Variants in TAFA4 observed in about 807,000 individuals in gnomAD.
TAFA4 encodes TAFA chemokine like family member 4.
A neutral mutation model predicts 21.1 loss-of-function variants in TAFA4; 20 were observed. The ratio of observed to expected loss-of-function variants is 0.95; its 90% CI spans 0.67 to 1.38. TAFA4 has a LOEUF of 1.38. Among genes scored for constraint, TAFA4 ranks in the 40% most tolerant of loss-of-function variants. TAFA4 has a pLI of 0.00. For missense variants in TAFA4, 211 were observed against 180.9 expected (o/e 1.17, Z -0.95); for synonymous variants, 71 against 67.4 (o/e 1.05, Z -0.26).
intron 3 of TAFA4, among the ~76,000 whole-genome samples, chr3:68,835,371 G>A (rs567700491): frequency 4.3e-4 from 65 of 152,254 alleles, no homozygotes; most frequent in African/African-American, 1.3e-3. Context: ...AAATGTTTCC[G>A]CAGAAAAAGA....
intron 1 of TAFA4, among the ~76,000 whole-genome samples, chr3:68,903,574 G>A (rs919243519): frequency 1.3e-5 from 2 of 152,164 alleles, no homozygotes; most frequent in Non-Finnish European, 2.9e-5. Context: ...ATCATAAAAT[G>A]TTTTAATGTT....
Position 68,848,910 on chromosome 3 carries a change from A to G in TAFA4, c.130+31820T>C, listed in dbSNP as rs968074441. Among the ~76,000 whole-genome samples the G allele has an allele frequency of 4.0e-4, 60 of 149,316 alleles. 1 individual carries two copies. Among genetic ancestry groups the G allele is most frequent in the African/African-American group, 1.5e-3 (60 of 39,954 alleles). On this transcript the variant is annotated intron_variant, in intron 3 of 5. Transcript: ENST00000295569. ...AGAAATAAACTTCATTCTTTGGAAT[A>G]CTTCACCAAGGAGAATGCTAACTTT...
intron 1 of TAFA4, chr3:68,913,732 T>A (rs1238882996): frequency 6.6e-6 from 1 of 150,394 alleles, no homozygotes; most frequent in Non-Finnish European, 1.5e-5. Flanking sequence ...TATCTGTTAC[T>A]AATCTGATCA....
intron 3 of TAFA4, among the ~76,000 whole-genome samples, chr3:68,844,456 T>TA (rs369995023): frequency 0.12 from 17,500 of 148,936 alleles, 1,253 homozygotes; most frequent in African/African-American, 0.21. Flanking sequence ...TGTTAATCTT[T>TA]AAAAAAAAAA....
chr3:68,820,718 A>G (rs1197853437), intron 3 of TAFA4, among the ~76,000 whole-genome samples: 1 of 152,114 alleles, frequency 6.6e-6, no homozygotes, highest in African/African-American at 2.4e-5. Flanking sequence ...TTCTCATCAC[A>G]AAAAAATGGT....
chr3:68,928,253 T>C (rs1341006103), intron 1 of TAFA4, among the ~76,000 whole-genome samples: 7 of 152,168 alleles, frequency 4.6e-5, no homozygotes, highest in Non-Finnish European at 1.5e-5. Context: ...CCAGAATGTT[T>C]CCATAACATC....
In TAFA4 at chr3:68,818,091, T is replaced by C. The variant is rs529066257; in HGVS notation, c.130+62639A>G. On this transcript the variant is annotated intron_variant, in intron 3 of 5. Transcript: ENST00000295569. ...AATCTATTGTGTAGCGTAGCCACTTTCATCAATGATCTTAGCTAGATCTTC... is the reference window on the plus strand; with the variant it reads ...AATCTATTGTGTAGCGTAGCCACTTCCATCAATGATCTTAGCTAGATCTTC... 2.0e-5 allele frequency among the ~76,000 whole-genome samples: 3 copies of C among 152,348 alleles called. No homozygotes were observed. In the East Asian group the frequency reaches 5.8e-4, roughly 29 times the overall value.
At chr3:68,817,683 T>C (rs541072268) in intron 3 of TAFA4, among the ~76,000 whole-genome samples, 1 of 152,266 alleles carries the variant, frequency 6.6e-6, no homozygotes, top group African/African-American at 2.4e-5. Context: ...ACAACATTAA[T>C]CTCCTTGTAC....
intron 3 of TAFA4, among the ~76,000 whole-genome samples, chr3:68,855,127 T>A (rs1159883323): frequency 6.6e-6 from 1 of 152,192 alleles, no homozygotes; most frequent in Non-Finnish European, 1.5e-5. Context: ...AGAACTATGC[T>A]GGCTTATACA....
chr3:68,810,007 G>A (rs565080219), intron 3 of TAFA4, among the ~76,000 whole-genome samples: 163 of 152,262 alleles, frequency 1.1e-3, no homozygotes, highest in African/African-American at 3.7e-3. Flanking sequence ...TTCTAATCAT[G>A]ATGCCTCTGG....
Position 68,895,699 on chromosome 3 carries a change from A to AT in TAFA4, c.-122-10390dup, listed in dbSNP as rs1175655078. 1.8e-3 allele frequency among the ~76,000 whole-genome samples: 275 copies of AT among 150,622 alleles called. 2 individuals carry two copies. Among genetic ancestry groups the AT allele is most frequent in the African/African-American group, 6.1e-3 (250 of 41,060 alleles). On this transcript the variant is annotated intron_variant, in intron 1 of 5. Transcript: ENST00000295569. ...CCTCTGCATGATTAATTCAACAAGG[A>AT]TTTTTTTTTTAATCAACTCTCTGTG...
intron 3 of TAFA4, among the ~76,000 whole-genome samples, chr3:68,872,056 T>A (rs768011194): frequency 2.0e-5 from 3 of 151,982 alleles, no homozygotes; most frequent in African/African-American, 4.8e-5. Context: ...TGGATATCTA[T>A]CCAGAAGAAA....
rs901699217 is a variant in TAFA4 at position 68,732,858 on chromosome 3, A to G, written c.*284T>C. The stretch of plus-strand genomic sequence containing the variant: ...ATGCCCTTAGTGGTGATCCATTTTG[A>G]AGACTCTGATTTGCTCTTCTCGGAT... On this transcript the variant is annotated 3_prime_UTR_variant, in exon 6 of 6. Coordinates refer to ENST00000295569, the MANE Select transcript of TAFA4 (RefSeq NM_182522.5). The G allele has an allele frequency of 4.4e-6, 2 of 457,848 alleles. No homozygotes were observed. The highest frequency in any genetic ancestry group is 3.9e-5 in the African/African-American group (2 of 51,086). The allele number at this position is 457,848 out of a possible 1,614,324, so 28.4% of individuals were successfully genotyped here.
At position 68,732,159 on chromosome 3, in the gene TAFA4, T is replaced by A. The variant is rs1414092533; in HGVS notation, c.*983A>T. The A allele has an allele frequency of 6.6e-6, 1 of 152,520 alleles. No individual in the cohort carries two copies. Among genetic ancestry groups the A allele is most frequent in the Non-Finnish European group, 1.5e-5 (1 of 68,014 alleles). The allele number at this position is 152,520 out of a possible 1,614,324, so 9.4% of individuals were successfully genotyped here. On this transcript the variant is annotated 3_prime_UTR_variant, in exon 6 of 6. Transcript: ENST00000295569. ...ATCATTAAGCCAATCAGGACTCAGATTTTAAAGAAATAAGATGGCTAACAC... is the reference window on the plus strand; with the variant it reads ...ATCATTAAGCCAATCAGGACTCAGAATTTAAAGAAATAAGATGGCTAACAC...
intron 2 of TAFA4, among the ~76,000 whole-genome samples, chr3:68,882,659 A>C (rs1217690117): frequency 6.6e-6 from 1 of 152,258 alleles, no homozygotes; most frequent in South Asian, 2.1e-4. Context: ...TGTGTGAGAC[A>C]GAGTGTTACA....
chr3:68,862,219 G>C (rs1320836798), intron 3 of TAFA4, among the ~76,000 whole-genome samples: 3 of 151,756 alleles, frequency 2.0e-5, no homozygotes, highest in Admixed American at 2.0e-4. Context: ...TCCTGCAAAC[G>C]CTCACAGCAA....
intron 3 of TAFA4, among the ~76,000 whole-genome samples, chr3:68,854,691 C>G (rs917619818): frequency 6.6e-6 from 1 of 151,704 alleles, no homozygotes; most frequent in Non-Finnish European, 1.5e-5. Flanking sequence ...ACCAAGCACC[C>G]TCTAATACAT....
intron 3 of TAFA4, among the ~76,000 whole-genome samples, chr3:68,783,669 C>CAG (rs1413204711): frequency 0.011 from 1,117 of 106,352 alleles, 16 homozygotes; most frequent in East Asian, 0.033. Context: ...CAGACACACA[C>CAG]ACACAGAGAG....
intron 3 of TAFA4, among the ~76,000 whole-genome samples, chr3:68,828,347 C>T (rs1461286618): frequency 6.6e-6 from 1 of 152,120 alleles, no homozygotes; most frequent in African/African-American, 2.4e-5. Flanking sequence ...TAAGAATTGT[C>T]TTGCCTATAC....
Sources: gnomAD v4.1 joint callset for allele counts (sites outside exome capture counted in the v4.1 genomes callset) on GRCh38, gnomAD v4.1.1 for gene constraint, MANE v1.5 for transcripts, NCBI Gene and HGNC (gene_info 2026-07-23, HGNC 2026-07-21) for gene names.